DGKB: variants seen among roughly 807,000 people sequenced by gnomAD.
DGKB encodes the protein diacylglycerol kinase beta.
DGKB carries 67 observed loss-of-function variants against 114.3 expected under a neutral mutation model. The observed-to-expected ratio is 0.59, with a 90% CI of 0.48 to 0.72. The LOEUF (loss-of-function observed/expected upper bound fraction) is 0.72. Among genes scored for constraint, DGKB ranks in the 30% least tolerant of loss-of-function variants. The probability of loss-of-function intolerance (pLI) is 0.00; values close to 1 mark genes in which losing one functional copy is unlikely to be tolerated. For synonymous variants in DGKB, 398 were observed against 323.1 expected, an observed-to-expected ratio of 1.23 and a Z score of -2.49; for missense variants, 907 against 975.2, an observed-to-expected ratio of 0.93 and a Z score of 0.93.
chr7:14,727,717 G>C (rs1271982006), intron 5 of DGKB, among the ~76,000 whole-genome samples: 1 of 151,970 alleles, frequency 6.6e-6, no homozygotes, highest in East Asian at 1.9e-4. Context: ...TTTGTGTTTT[G>C]GGGACCCTGA....
intron 1 of DGKB, among the ~76,000 whole-genome samples, chr7:14,969,340 A>G (rs1247313947): frequency 6.6e-6 from 1 of 152,152 alleles, no homozygotes; most frequent in African/African-American, 2.4e-5. Context: ...TTCAATGAAC[A>G]ATGGGGATAC....
chr7:14,856,087 T>G (rs1850110140), intron 1 of DGKB, among the ~76,000 whole-genome samples: 3 of 151,958 alleles, frequency 2.0e-5, no homozygotes, highest in Admixed American at 2.0e-4. Flanking sequence ...CTATCAAGTT[T>G]AATGACAGAT....
intron 1 of DGKB, among the ~76,000 whole-genome samples, chr7:14,964,877 A>G (rs79066246): frequency 0.018 from 2,801 of 152,276 alleles, 85 homozygotes; most frequent in African/African-American, 0.063. Flanking sequence ...CTGAAACCCA[A>G]CTAAGAATGG....
chr7:14,446,424 G>A (rs1202547017), intron 21 of DGKB, among the ~76,000 whole-genome samples: 1 of 152,116 alleles, frequency 6.6e-6, no homozygotes, highest in East Asian at 1.9e-4. Context: ...ATAGGGCAAA[G>A]AGCAGTTAAA....
At chr7:14,790,331 C>T (rs1316851467) in intron 2 of DGKB, among the ~76,000 whole-genome samples, 3 of 152,090 alleles carry the variant, frequency 2.0e-5, no homozygotes, top group Non-Finnish European at 4.4e-5. Flanking sequence ...TTATGGATTG[C>T]ACTTTCAATA....
chr7:14,816,275 G>A (rs1267514734), intron 2 of DGKB: 1 of 152,362 alleles, frequency 6.6e-6, no homozygotes, highest in African/African-American at 2.4e-5. Context: ...CTGGGAGGCA[G>A]AGGTTGCAGT....
chr7:14,942,508 T>C (rs1326365977), intron 1 of DGKB, among the ~76,000 whole-genome samples: 1 of 152,042 alleles, frequency 6.6e-6, no homozygotes, highest in Middle Eastern at 3.2e-3. Flanking sequence ...ATTACGGTCA[T>C]AGTCTCCTCA....
intron 21 of DGKB, among the ~76,000 whole-genome samples, chr7:14,373,680 C>T (rs888702131): frequency 6.6e-6 from 1 of 152,056 alleles, no homozygotes; most frequent in Non-Finnish European, 1.5e-5. Context: ...TCTATCTTGG[C>T]TATCCATATT....
chr7:14,910,489 C>T (rs1435066893), intron 1 of DGKB, among the ~76,000 whole-genome samples: 1 of 151,852 alleles, frequency 6.6e-6, no homozygotes, highest in African/African-American at 2.4e-5. Flanking sequence ...TTTTTGGCTA[C>T]CAAAATTGTT....
intron 23 of DGKB, among the ~76,000 whole-genome samples, chr7:14,332,187 C>A (rs942153774): frequency 6.6e-6 from 1 of 152,076 alleles, no homozygotes; most frequent in Non-Finnish European, 1.5e-5. Context: ...CTATTCTAAG[C>A]TTCTAATCTG....
intron 1 of DGKB, among the ~76,000 whole-genome samples, chr7:14,909,910 T>A (rs1783895125): frequency 6.6e-6 from 1 of 152,040 alleles, no homozygotes; most frequent in African/African-American, 2.4e-5. Flanking sequence ...CTTTAAATAA[T>A]CAAAATCATG....
chr7:14,735,899 G>C (rs1831638483), intron 5 of DGKB, 142 bp downstream of exon 5: 1 of 454,034 alleles, frequency 2.2e-6, no homozygotes, highest in African/African-American at 2.0e-5. Flanking sequence ...TTTTAAATGA[G>C]TCACACAATC....
intron 20 of DGKB, among the ~76,000 whole-genome samples, chr7:14,494,815 G>A (rs1306591930): frequency 6.6e-6 from 1 of 151,592 alleles, no homozygotes; most frequent in Non-Finnish European, 1.5e-5. Flanking sequence ...GTATGTCTTT[G>A]TTTCACTCTA....
rs77100409 is a variant in DGKB at position 14,819,971 on chromosome 7, C to G, written c.70+21223G>C. Among the ~76,000 whole-genome samples the G allele has an allele frequency of 2.0e-3, 297 of 152,198 alleles. 4 individuals are homozygous for G. In the East Asian group the frequency reaches 0.049, roughly 25 times the overall value. The stretch of plus-strand genomic sequence containing the variant: ...TTTTAACAGCCACCCTCCGCCCCAG[C>G]AAACACACAATCCATATTGTGTTTT... On this transcript the variant is annotated intron_variant, in intron 2 of 25. Transcript: ENST00000402815.
chr7:14,221,794 T>TGC (rs140554722), intron 23 of DGKB, among the ~76,000 whole-genome samples: 6,176 of 151,400 alleles, frequency 0.041, 408 homozygotes, highest in African/African-American at 0.14. Context: ...TCTGGGTCTT[T>TGC]GCTTTTCTTT....
At chr7:14,600,400 T>C (rs1803331408) in intron 17 of DGKB, among the ~76,000 whole-genome samples, 1 of 152,204 alleles carries the variant, frequency 6.6e-6, no homozygotes, top group Admixed American at 6.5e-5. Context: ...AAATTTATGT[T>C]CTTCTGATAA....
At chr7:14,902,914 A>AG (rs1491283139), upstream of DGKB, 7 of 152,138 alleles carry the variant, frequency 4.6e-5, no homozygotes, top group Non-Finnish European at 8.8e-5. Context: ...CAACTAAAAA[A>AG]CAGCGGAGGC....
rs141077486 is a variant in DGKB, at chr7:14,921,356, G to A, written c.-188+53340C>T. Among the ~76,000 whole-genome samples the A allele has an allele frequency of 5.1e-3, 774 of 152,132 alleles. 10 individuals are homozygous for A. Among genetic ancestry groups the A allele is most frequent in the African/African-American group, 0.018 (729 of 41,502 alleles). Reference sequence around the variant, plus strand: ...GAAGGAGAAGGGTATATACAAATTCGGAACTACTTGCTTAATTTTTCTGCA... The same window carrying A: ...GAAGGAGAAGGGTATATACAAATTCAGAACTACTTGCTTAATTTTTCTGCA... On this transcript the variant is annotated intron_variant, in intron 1 of 4. Coordinates refer to the DGKB transcript ENST00000437998.
chr7:14,588,234 T>G (rs186785678), intron 17 of DGKB, among the ~76,000 whole-genome samples: 1 of 152,110 alleles, frequency 6.6e-6, no homozygotes, highest in Non-Finnish European at 1.5e-5. Context: ...TGCAAAAAAA[T>G]TTTACACGTC....
Sources: gnomAD v4.1 joint callset for allele counts (sites outside exome capture counted in the v4.1 genomes callset) on GRCh38, gnomAD v4.1.1 for gene constraint, MANE v1.5 for transcripts, NCBI Gene and HGNC (gene_info 2026-07-23, HGNC 2026-07-21) for gene names.